DNAJC1: variants seen among roughly 807,000 people sequenced by gnomAD.
The protein encoded by DNAJC1 is dnaJ homolog subfamily C member 1.
In DNAJC1, 58 loss-of-function variants were observed where a neutral mutation model predicts 76.6. That is an observed-to-expected ratio of 0.76 (90% CI 0.61 to 0.94). The LOEUF is 0.94. Among genes scored for constraint, DNAJC1 ranks in the 40% least tolerant of loss-of-function variants. The pLI, the probability that DNAJC1 is intolerant of heterozygous loss-of-function variation, is 0.00. For missense variants in DNAJC1, 689 were observed against 677.3 expected (o/e 1.02, Z -0.19); for synonymous variants, 258 against 267.9 (o/e 0.96, Z 0.36).
rs34817098 is a variant in DNAJC1, at chr10:21,962,459, C to CTTTTTTTTTTT, written c.223-33329_223-33319dup. Among the ~76,000 whole-genome samples the CTTTTTTTTTTT allele has an allele frequency of 7.8e-4, 31 of 39,908 alleles. 1 individual carries two copies. Among genetic ancestry groups the CTTTTTTTTTTT allele is most frequent in the Non-Finnish European group, 9.7e-4 (24 of 24,870 alleles). The allele number at this position is 39,908 out of a possible 152,430, so 26.2% of individuals were successfully genotyped here. A position where few individuals can be genotyped will look rare whatever the true frequency, so the allele number is the denominator to read the frequency against. ...GCAATTAAAACTTGCTATTTTATTG[C>CTTTTTTTTTTT]TTTTTTTTTTTTTTTTTTTTTTTGA... is the stretch of plus-strand genomic sequence containing the variant. On this transcript the variant is annotated intron_variant, in intron 1 of 11. Transcript: ENST00000376980.
At chr10:21,982,954 C>G (rs1430123851) in intron 1 of DNAJC1, among the ~76,000 whole-genome samples, 1 of 152,112 alleles carries the variant, frequency 6.6e-6, no homozygotes, top group Non-Finnish European at 1.5e-5. Context: ...ACTTGGGAGT[C>G]TGAGGCAGGA....
intron 9 of DNAJC1, among the ~76,000 whole-genome samples, chr10:21,774,102 C>G (rs1834424906): frequency 7.0e-6 from 1 of 142,366 alleles, no homozygotes; most frequent in African/African-American, 2.6e-5. Context: ...GATCCCGCCA[C>G]TGCACTCCAG....
intron 8 of DNAJC1, among the ~76,000 whole-genome samples, chr10:21,872,511 GA>G (rs1295220741): frequency 2.0e-5 from 3 of 152,148 alleles, no homozygotes; most frequent in Non-Finnish European, 2.9e-5. Flanking sequence ...TTCTGGAGTT[GA>G]AAAGTGTAAT....
intron 8 of DNAJC1, among the ~76,000 whole-genome samples, chr10:21,815,817 C>T (rs958647175): frequency 4.0e-5 from 6 of 151,558 alleles, no homozygotes; most frequent in South Asian, 2.1e-4. Context: ...GTGAACTTGG[C>T]GCACTACAAC....
intron 10 of DNAJC1, among the ~76,000 whole-genome samples, chr10:21,761,566 A>AT (rs1477456424): frequency 2.0e-5 from 3 of 151,708 alleles, no homozygotes; most frequent in Non-Finnish European, 4.4e-5. Context: ...AAAAAAAAAA[A>AT]ATCTAGATAT....
At chr10:21,803,305 A>T (rs1157758886) in intron 9 of DNAJC1, among the ~76,000 whole-genome samples, 4 of 152,156 alleles carry the variant, frequency 2.6e-5, no homozygotes, top group African/African-American at 9.6e-5. Flanking sequence ...AAAGCCAGGG[A>T]GAACTAGGCA....
intron 9 of DNAJC1, among the ~76,000 whole-genome samples, chr10:21,772,985 A>C (rs938796901): frequency 1.3e-5 from 2 of 152,108 alleles, no homozygotes; most frequent in Middle Eastern, 3.2e-3. Flanking sequence ...GCATACTTTT[A>C]AACAACCAGA....
chr10:21,981,469 C>G (rs1234852033), intron 1 of DNAJC1, among the ~76,000 whole-genome samples: 1 of 152,016 alleles, frequency 6.6e-6, no homozygotes, highest in Non-Finnish European at 1.5e-5. Context: ...TTGGGCTGGG[C>G]CTTTAAGAAT....
At chr10:21,782,237 C>T (rs970985279) in intron 9 of DNAJC1, among the ~76,000 whole-genome samples, 17 of 152,190 alleles carry the variant, frequency 1.1e-4, no homozygotes, top group African/African-American at 3.9e-4. Flanking sequence ...GAAATACTAA[C>T]TACCATCAGA....
intron 1 of DNAJC1, among the ~76,000 whole-genome samples, chr10:21,969,538 T>C (rs1041943766): frequency 2.0e-5 from 3 of 152,194 alleles, no homozygotes; most frequent in Non-Finnish European, 2.9e-5. Context: ...GTGTAAAGAA[T>C]GTTAGCAATT....
At chr10:21,957,716 A>G (rs1837714177) in intron 1 of DNAJC1, among the ~76,000 whole-genome samples, 1 of 152,200 alleles carries the variant, frequency 6.6e-6, no homozygotes, top group Non-Finnish European at 1.5e-5. Flanking sequence ...TTACACAAGT[A>G]ACACATGAAT....
At chr10:21,955,384 G>T (rs1590065872) in intron 1 of DNAJC1, among the ~76,000 whole-genome samples, 1 of 152,060 alleles carries the variant, frequency 6.6e-6, no homozygotes, top group Non-Finnish European at 1.5e-5. Context: ...AGCAAACTTG[G>T]AAATAATGGA....
intron 6 of DNAJC1, among the ~76,000 whole-genome samples, chr10:21,911,593 C>G (rs1378331665): frequency 6.6e-6 from 1 of 152,118 alleles, no homozygotes; most frequent in Non-Finnish European, 1.5e-5. Flanking sequence ...GATGCACAGC[C>G]TAAAAACTAT....
chr10:21,965,211 T>G (rs1450721194), intron 1 of DNAJC1, among the ~76,000 whole-genome samples: 1 of 152,214 alleles, frequency 6.6e-6, no homozygotes, highest in African/African-American at 2.4e-5. Flanking sequence ...TTTTCTGTTT[T>G]CTCTTTCAGT....
chr10:21,822,763 A>G (rs1564798027), intron 8 of DNAJC1, among the ~76,000 whole-genome samples: 1 of 152,126 alleles, frequency 6.6e-6, no homozygotes, highest in Non-Finnish European at 1.5e-5. Context: ...ATACCTCTGA[A>G]TAGTTCCATA....
chr10:21,863,498 A>G (rs1835949376), intron 8 of DNAJC1, among the ~76,000 whole-genome samples: 1 of 152,132 alleles, frequency 6.6e-6, no homozygotes, highest in African/African-American at 2.4e-5. Context: ...AATGTGTTCT[A>G]TAAGGTCAAT....
intron 10 of DNAJC1, among the ~76,000 whole-genome samples, chr10:21,763,836 G>C (rs1391347030): frequency 1.3e-5 from 2 of 152,098 alleles, no homozygotes; most frequent in Non-Finnish European, 2.9e-5. Flanking sequence ...ATGATGCCAA[G>C]TGACGAGGCC....
intron 1 of DNAJC1, among the ~76,000 whole-genome samples, chr10:21,959,980 T>C (rs969827840): frequency 6.6e-6 from 1 of 152,100 alleles, no homozygotes; most frequent in Non-Finnish European, 1.5e-5. Flanking sequence ...AAAAGCATAC[T>C]CAGAATCTGA....
chr10:22,002,965 C>G (rs556456030), intron 1 of DNAJC1, among the ~76,000 whole-genome samples: 1 of 152,266 alleles, frequency 6.6e-6, no homozygotes, highest in South Asian at 2.1e-4. Context: ...GGCATCGCCA[C>G]CCTAGGCTAG....
Sources: allele counts gnomAD v4.1 joint callset (sites outside exome capture counted in the v4.1 genomes callset), GRCh38; gene constraint gnomAD v4.1.1; transcripts MANE v1.5; gene names NCBI Gene and HGNC (gene_info 2026-07-23, HGNC 2026-07-21).